Variants in PRKAG2 observed in about 807,000 individuals in gnomAD.
PRKAG2 encodes the protein protein kinase AMP-activated non-catalytic subunit gamma 2, also known as 5'-AMP-activated protein kinase subunit gamma-2.
Under a neutral mutation model 69.6 loss-of-function variants are expected in PRKAG2, and 26 were observed. That is an observed-to-expected ratio of 0.37 (90% CI 0.27 to 0.52). The LOEUF (loss-of-function observed/expected upper bound fraction) is 0.52. PRKAG2 is among the 20% of genes least tolerant of loss of function. PRKAG2 has a pLI of 0.90. For synonymous variants in PRKAG2, 293 were observed against 285.0 expected (o/e 1.03, Z -0.28); for missense variants, 557 against 740.0 (o/e 0.75, Z 2.87).
rs894575336 is a variant in PRKAG2 at position 151,756,299 on chromosome 7, G to A, written c.466+24853C>T. Among the ~76,000 whole-genome samples the A allele has an allele frequency of 5.5e-4, 84 of 152,272 alleles. 1 individual carries two copies. The highest frequency in any genetic ancestry group is 4.6e-4 in the African/African-American group (19 of 41,544). On this transcript the variant is annotated intron_variant, in intron 3 of 15. Transcript: ENST00000287878. This position sits in a 1 kb window ranked among gnomAD's most constrained non-coding sequence, Gnocchi z 4.9. ...GAAGGAAGTGTGGGTTCCTTTTAAC[G>A]TAGGAGCCACCAGAGCTTCCCCAGG... is the stretch of plus-strand genomic sequence containing the variant.
chr7:151,630,090 A>G (rs1824022598), intron 5 of PRKAG2, among the ~76,000 whole-genome samples: 1 of 152,220 alleles, frequency 6.6e-6, no homozygotes, highest in South Asian at 2.1e-4. Flanking sequence ...AAAGTTTGAC[A>G]GGGTTATTCG....
chr7:151,590,094 T>C lies in PRKAG2; in HGVS notation c.864+5251A>G, dbSNP rs117700855. Among the ~76,000 whole-genome samples, 127 of 152,258 alleles carry C rather than the reference T, an allele frequency of 8.3e-4. 1 individual carries two copies. The East Asian group carries it at 0.021, about 25-fold the overall frequency. On this transcript the variant is annotated intron_variant, in intron 6 of 15. Transcript: ENST00000287878. ...TAATCCAGGGCAGGCCATGGCATTGTGACTAAAAAAGCCATCATCTGTGCC... is the reference window on the plus strand; with the variant it reads ...TAATCCAGGGCAGGCCATGGCATTGCGACTAAAAAAGCCATCATCTGTGCC...
At chr7:151,558,346 T>A (rs1584899797) in intron 15 of PRKAG2, 1 of 985,324 alleles carries the variant, frequency 1.0e-6, no homozygotes, top group East Asian at 1.1e-4. Flanking sequence ...GACAACCACC[T>A]AACAGTGCAG....
chr7:151,849,906 T>C (rs2079529617), intron 1 of PRKAG2, among the ~76,000 whole-genome samples: 1 of 152,162 alleles, frequency 6.6e-6, no homozygotes, highest in African/African-American at 2.4e-5. Flanking sequence ...GACCTCTCTA[T>C]ATATTTTGGG....
intron 2 of PRKAG2, among the ~76,000 whole-genome samples, chr7:151,782,781 C>G (rs906380455): frequency 6.6e-6 from 1 of 152,200 alleles, no homozygotes; most frequent in African/African-American, 2.4e-5. Context: ...TCAGATGAAG[C>G]CGCGTGAGGC....
At chr7:151,863,336 C>T (rs1055363357) in intron 1 of PRKAG2, among the ~76,000 whole-genome samples, 8 of 152,144 alleles carry the variant, frequency 5.3e-5, no homozygotes, top group South Asian at 4.1e-4. Flanking sequence ...CGACGGGATC[C>T]GCCTCACCCA....
At chr7:151,876,451 C>G in intron 1 of PRKAG2, 56 bp downstream of exon 1, 1 of 1,527,326 alleles carries the variant, frequency 6.5e-7, no homozygotes, top group Non-Finnish European at 9.0e-7. Flanking sequence ...GCTTCGGCGC[C>G]GGGGACGGGA....
In PRKAG2 at chr7:151,778,142, C is replaced by A. The variant is rs4726092; in HGVS notation, c.466+3010G>T. ...CAGTGCTGGAGGCCCGTTTCCACAC[C>A]ACTGTGATCTCATCCCCAACCAATC... is the stretch of plus-strand genomic sequence containing the variant. On this transcript the variant is annotated intron_variant, in intron 3 of 15. Coordinates refer to ENST00000287878, the MANE Select transcript of PRKAG2 (RefSeq NM_016203.4). Among the ~76,000 whole-genome samples the A allele has an allele frequency of 1.3e-3, 196 of 151,990 alleles. 2 individuals are homozygous for A. Among genetic ancestry groups the A allele is most frequent in the East Asian group, 3.9e-3 (20 of 5,168 alleles).
Position 151,557,170 on chromosome 7 carries a change from TCTC to T in PRKAG2, c.*28_*30del, listed in dbSNP as rs748921411. The T allele has an allele frequency of 8.7e-6, 14 of 1,613,992 alleles. No individual in the cohort carries two copies. The highest frequency in any genetic ancestry group is 1.1e-5 in the Non-Finnish European group (13 of 1,180,012). Reference sequence around the variant, plus strand: ...CGTGACCCAGAGACTTTGTTCAAGTTCTCCTCCTAGGGCGTCTACATTCACGGC... The same window carrying T: ...CGTGACCCAGAGACTTTGTTCAAGTTCTCCTAGGGCGTCTACATTCACGGC... On this transcript the variant is annotated 3_prime_UTR_variant, in exon 16 of 16. Transcript: ENST00000287878.
intron 3 of PRKAG2, among the ~76,000 whole-genome samples, chr7:151,721,199 C>T (rs1797033980): frequency 6.6e-6 from 1 of 151,992 alleles, no homozygotes; most frequent in Non-Finnish European, 1.5e-5. Context: ...AGCACTCAGG[C>T]TTTTCTGGGG....
At chr7:151,600,890 T>G (rs967103361) in intron 5 of PRKAG2, among the ~76,000 whole-genome samples, 3 of 152,220 alleles carry the variant, frequency 2.0e-5, no homozygotes, top group Non-Finnish European at 2.9e-5. Flanking sequence ...ACTTAACTGA[T>G]GTGACAACCT....
rs925742713 is a variant in PRKAG2 at position 151,632,583 on chromosome 7, G to C, written c.685-445C>G. On this transcript the variant is annotated intron_variant, in intron 4 of 15. Coordinates refer to ENST00000287878, the MANE Select transcript of PRKAG2 (RefSeq NM_016203.4). The surrounding 1 kb of genome is among the most constrained non-coding windows in gnomAD (Gnocchi z 4.2). Reference sequence around the variant, plus strand: ...CGGCGCCGCTCACCTTCCCAGCACCGGCGGCCGCGCTCGGCAGGCTCCACC... The same window carrying C: ...CGGCGCCGCTCACCTTCCCAGCACCCGCGGCCGCGCTCGGCAGGCTCCACC... 3 of 983,504 alleles carry C rather than the reference G, an allele frequency of 3.1e-6. No homozygotes were observed. The highest frequency in any genetic ancestry group is 1.8e-5 in the African/African-American group (1 of 57,090). 60.9% of individuals were successfully genotyped at this position (983,504 alleles called of 1,614,324 possible).
At chr7:151,832,235 A>AGGAG (rs1563737750) in intron 1 of PRKAG2, among the ~76,000 whole-genome samples, 1 of 105,884 alleles carries the variant, frequency 9.4e-6, no homozygotes, top group Non-Finnish European at 1.9e-5. Context: ...AGGGAAGGAG[A>AGGAG]GGAGGAGGGA....
intron 3 of PRKAG2, among the ~76,000 whole-genome samples, chr7:151,678,387 A>G (rs1748169193): frequency 6.6e-6 from 1 of 152,192 alleles, no homozygotes; most frequent in Non-Finnish European, 1.5e-5. Flanking sequence ...AAGAACAGTG[A>G]GAGGACCGGC....
intron 1 of PRKAG2, among the ~76,000 whole-genome samples, chr7:151,831,940 G>T (rs1436969262): frequency 6.6e-6 from 1 of 152,070 alleles, no homozygotes; most frequent in East Asian, 1.9e-4. Context: ...ATCTCAGAGC[G>T]GGGTGGCTGC....
At chr7:151,723,618 G>A (rs147448163) in intron 3 of PRKAG2, among the ~76,000 whole-genome samples, 4 of 152,264 alleles carry the variant, frequency 2.6e-5, no homozygotes, top group African/African-American at 9.6e-5. Flanking sequence ...CTGCCATGCT[G>A]GGACCCAGAT....
intron 4 of PRKAG2, among the ~76,000 whole-genome samples, chr7:151,643,016 G>A (rs1334618280): frequency 6.6e-6 from 1 of 152,208 alleles, no homozygotes; most frequent in African/African-American, 2.4e-5. Flanking sequence ...GGAGCTCAAG[G>A]AACATGGAGA....
Position 151,557,066 on chromosome 7 carries a change from A to G in PRKAG2, c.*135T>C, listed in dbSNP as rs184932311. On this transcript the variant is annotated 3_prime_UTR_variant, in exon 16 of 16. Transcript: ENST00000287878. ...TCTTTCTTTTTTAAGCTTAATTTCA[A>G]CATCACTGGAAGAAATACCTATTGT... 526 of 1,415,888 alleles carry G rather than the reference A, an allele frequency of 3.7e-4. 3 individuals are homozygous for G. The Middle Eastern group carries it at 0.012, about 33-fold the overall frequency. 87.7% of individuals were successfully genotyped at this position (1,415,888 alleles called of 1,614,324 possible). A position where few individuals can be genotyped will look rare whatever the true frequency, so the allele number is the denominator to read the frequency against.
At chr7:151,676,175 A>C (rs1335270124) in intron 3 of PRKAG2, among the ~76,000 whole-genome samples, 1 of 147,576 alleles carries the variant, frequency 6.8e-6, no homozygotes, top group Non-Finnish European at 1.5e-5. Context: ...AAACATGGGG[A>C]AGTTCGGAAA....
Sources: allele counts gnomAD v4.1 joint callset (sites outside exome capture counted in the v4.1 genomes callset), GRCh38; gene constraint gnomAD v4.1.1; non-coding constraint Gnocchi (gnomAD v3.1); transcripts MANE v1.5; gene names NCBI Gene and HGNC (gene_info 2026-07-23, HGNC 2026-07-21).